The following NPHP3 variants were observed in gnomAD, a reference collection of about 807,000 sequenced individuals.
The protein encoded by NPHP3 is nephrocystin-3.
Under a neutral mutation model 171.9 loss-of-function variants are expected in NPHP3, and 123 were observed. The observed-to-expected ratio is 0.72, with a 90% CI of 0.62 to 0.83. NPHP3 has a LOEUF of 0.83. NPHP3 is among the 40% of genes least tolerant of loss of function. The probability of loss-of-function intolerance (pLI) is 0.00; values close to 1 mark genes in which losing one functional copy is unlikely to be tolerated. For missense variants in NPHP3, 1,506 were observed against 1,591.9 expected, an observed-to-expected ratio of 0.95 and a Z score of 0.92; for synonymous variants, 558 against 579.2, an observed-to-expected ratio of 0.96 and a Z score of 0.52.
chr3:132,698,872 C>A (rs1377803315), intron 13 of NPHP3, among the ~76,000 whole-genome samples: 1 of 152,050 alleles, frequency 6.6e-6, no homozygotes, highest in African/African-American at 2.4e-5. Context: ...CCTTGCATCC[C>A]AGATCTATCT....
chr3:132,707,772 C>A (rs1939793381), intron 7 of NPHP3, among the ~76,000 whole-genome samples: 1 of 152,112 alleles, frequency 6.6e-6, no homozygotes, highest in Non-Finnish European at 1.5e-5. Context: ...TCAGACTCTG[C>A]ACACTACCCC....
chr3:132,719,649 T>C, intron 2 of NPHP3, 56 bp downstream of exon 2: 2 of 1,181,108 alleles, frequency 1.7e-6, no homozygotes, highest in Non-Finnish European at 1.2e-6. Context: ...TATATACTTT[T>C]AGAATATACT....
At chr3:132,692,907 ATTTCTTT>A in intron 16 of NPHP3, 89 bp from the exon 17 acceptor site, 1 of 1,050,604 alleles carries the variant, frequency 9.5e-7, no homozygotes, top group Non-Finnish European at 1.4e-6. Context: ...TTTTAAGGCT[ATTTCTTT>A]TTACCAAAAC....
intron 18 of NPHP3, 125 bp downstream of exon 18, chr3:132,691,067 G>A: frequency 1.2e-6 from 1 of 809,722 alleles, no homozygotes; most frequent in Non-Finnish European, 2.2e-6. Context: ...ATAGGGAGAG[G>A]ATTTAATCTT....
At chr3:132,721,744 T>C in intron 1 of NPHP3, 1 of 718,914 alleles carries the variant, frequency 1.4e-6, no homozygotes, top group Non-Finnish European at 2.5e-6. Context: ...CAGGTTGCAG[T>C]GAGCCGCGAT....
Position 132,684,544 on chromosome 3 carries a change from G to A in NPHP3, c.3570+10C>T. ...TTATAAAACATGTAAGAATGTCAAA[G>A]CTTACTTACCATTTTCTTATACAAG... On this transcript the variant is annotated intron_variant, in intron 24 of 26. Transcript: ENST00000337331. 1 of 1,613,550 alleles carries A rather than the reference G, an allele frequency of 6.2e-7. No individual in the cohort carries two copies. The highest frequency in any genetic ancestry group is 8.5e-7 in the Non-Finnish European group (1 of 1,179,674).
intron 8 of NPHP3, among the ~76,000 whole-genome samples, chr3:132,705,323 AC>A (rs377765092): frequency 1.3e-5 from 2 of 151,862 alleles, no homozygotes; most frequent in African/African-American, 2.4e-5. Context: ...CCATGTTCTC[AC>A]CCCCCTGGAG....
intron 24 of NPHP3, 96 bp from the exon 25 acceptor site, chr3:132,683,620 AT>A (rs1559999556): frequency 6.3e-6 from 6 of 957,624 alleles, no homozygotes; most frequent in South Asian, 1.6e-5. Context: ...TTAAAGGGTA[AT>A]TTTGAGGGAA....
chr3:132,688,285 C>G (rs1291684916), intron 21 of NPHP3, among the ~76,000 whole-genome samples: 1 of 152,140 alleles, frequency 6.6e-6, no homozygotes, highest in African/African-American at 2.4e-5. Context: ...GTCCCATCCC[C>G]AAGATATCTC....
intron 11 of NPHP3, 54 bp downstream of exon 11, chr3:132,700,280 A>G: frequency 7.2e-7 from 1 of 1,383,898 alleles, no homozygotes; most frequent in Non-Finnish European, 1.0e-6. Context: ...ATTAGTCCCA[A>G]CAATTTCTGA....
In NPHP3 at chr3:132,690,667, G is replaced by A. The variant is rs1302868174; in HGVS notation, c.2571-17C>T. The A allele has an allele frequency of 6.2e-7, 1 of 1,613,068 alleles. No individual in the cohort carries two copies. Among genetic ancestry groups the A allele is most frequent in the African/African-American group, 1.3e-5 (1 of 74,888 alleles). On this transcript the variant is annotated splice_polypyrimidine_tract_variant and intron_variant, in intron 18 of 26. Coordinates refer to ENST00000337331, the MANE Select transcript of NPHP3 (RefSeq NM_153240.5). Reference sequence around the variant, plus strand: ...CTGTCCTGACTATCAAAAGAGAGGAGACAATATTCAATATCTTCCTACAAT... The same window carrying A: ...CTGTCCTGACTATCAAAAGAGAGGAAACAATATTCAATATCTTCCTACAAT...
At chr3:132,718,819 G>A (rs999633935) in intron 3 of NPHP3, among the ~76,000 whole-genome samples, 175 bp downstream of exon 3, 1 of 152,190 alleles carries the variant, frequency 6.6e-6, no homozygotes, top group South Asian at 2.1e-4. Context: ...TACACTTCGT[G>A]GAGAAGAGGT....
intron 23 of NPHP3, chr3:132,685,012 T>G: frequency 1.9e-6 from 1 of 533,140 alleles, no homozygotes; most frequent in Non-Finnish European, 3.4e-6. Flanking sequence ...GATGATTGCC[T>G]CAATTCTCCA....
At chr3:132,713,545 G>T (rs1389312470) in intron 5 of NPHP3, among the ~76,000 whole-genome samples, 1 of 152,058 alleles carries the variant, frequency 6.6e-6, no homozygotes, top group Non-Finnish European at 1.5e-5. Flanking sequence ...TAGAACAACA[G>T]GAGACAGTAT....
rs1939204682 is a variant in NPHP3, at chr3:132,687,985, CTTAT to C, written c.3125+661_3125+664del. The stretch of plus-strand genomic sequence containing the variant: ...AAATTTGGCTGTGTTCCCTTTAAAC[CTTAT>C]TTACACAACTGGACTTGGCCTATGG... On this transcript the variant is annotated intron_variant, in intron 21 of 26. Coordinates refer to ENST00000337331, the MANE Select transcript of NPHP3 (RefSeq NM_153240.5). 2.0e-5 allele frequency among the ~76,000 whole-genome samples: 3 copies of C among 152,082 alleles called. No individual in the cohort carries two copies. In the South Asian group the frequency reaches 6.2e-4, roughly 32 times the overall value.
At position 132,722,295 on chromosome 3, in the gene NPHP3, C is replaced by A; in HGVS notation, c.61G>T (p.Gly21Trp). Residue 21 changes from glycine (G) to tryptophan (W), a missense_variant, in exon 1 of 27, where the codon GGG becomes TGG. Coordinates refer to ENST00000337331, the MANE Select transcript of NPHP3 (RefSeq NM_153240.5). ...TCGCAGGCCTCGCCGCCGCCCGCCC[C>A]GTACGTGTCCTCGATCACTTCCCCG... Reference protein sequence around the residue: ...AGGEVIEDTYGAGGGEACEIP... With the variant: ...AGGEVIEDTYWAGGGEACEIP... The A allele has an allele frequency of 1.9e-6, 3 of 1,580,306 alleles. No individual in the cohort carries two copies. Among genetic ancestry groups the A allele is most frequent in the Non-Finnish European group, 2.6e-6 (3 of 1,172,268 alleles).
In NPHP3 at chr3:132,700,417, T is replaced by C. The variant is rs567507084; in HGVS notation, c.1660A>G (p.Thr554Ala). Residue 554 changes from threonine to alanine, a missense_variant, in exon 11 of 27, where the codon ACA becomes GCA. By Grantham distance (58) the Thr-to-Ala change is moderately conservative (BLOSUM62 0). This residue lies in a region of NPHP3 where 930 missense variants were observed against 924.9 expected (regional missense o/e 1.01). Transcript: ENST00000337331. ...IQLQQKNSPN[T>A]LILSHFVGRP... ...CCCACAAAATGGGAAAGAATCAGTG[T>C]GTTGGGGGAATTCTTCTGTTGTAAT... is the stretch of plus-strand genomic sequence containing the variant. The C allele has an allele frequency of 3.7e-6, 6 of 1,611,844 alleles. No individual in the cohort carries two copies. In the East Asian group the frequency reaches 1.1e-4, roughly 30 times the overall value.
In NPHP3 at chr3:132,694,917, C is replaced by G. The variant is rs148515364; in HGVS notation, c.2220G>C (p.Gln740His). 1 of 1,613,806 alleles carries G rather than the reference C, an allele frequency of 6.2e-7. No individual in the cohort carries two copies. The highest frequency in any genetic ancestry group is 8.5e-7 in the Non-Finnish European group (1 of 1,179,856). ...TATATAATGAAAGAGTATCTTGACA[C>G]TGGAAACACTGATGAAGGATTTTAT... ...NLDKILHQCF[Q>H]CQDTLSLYRL... The change falls in exon 16 of 27, where the codon CAG (glutamine) becomes CAC (histidine). Residue 740 changes from glutamine to histidine, a missense_variant. Around this residue, in one of 3 missense-constraint regions of NPHP3, gnomAD observed 930 missense variants for 924.9 expected, o/e 1.01. Transcript: ENST00000337331.
intron 6 of NPHP3, chr3:132,712,505 GC>G: frequency 2.2e-6 from 1 of 456,048 alleles, no homozygotes; most frequent in South Asian, 1.6e-5. Flanking sequence ...GTTGGCCTAC[GC>G]CTGTAATCCC....
Sources: gnomAD v4.1 joint callset for allele counts (sites outside exome capture counted in the v4.1 genomes callset) on GRCh38, gnomAD v4.1.1 for gene constraint, gnomAD v4.1.1 regional missense constraint, MANE v1.5 for transcripts, NCBI Gene and HGNC (gene_info 2026-07-23, HGNC 2026-07-21) for gene names.